MRPL37: variants seen among roughly 807,000 people sequenced by gnomAD.
MRPL37 encodes the protein large ribosomal subunit protein mL37.
Under a neutral mutation model 44.1 loss-of-function variants are expected in MRPL37, and 34 were observed. That is an observed-to-expected ratio of 0.77 (90% confidence interval 0.59 to 1.03). MRPL37 has a LOEUF of 1.03. MRPL37 is among the 50% of genes least tolerant of loss of function. The pLI is 0.00. For missense variants in MRPL37, 532 were observed against 543.7 expected, an observed-to-expected ratio of 0.98 and a Z score of 0.21; for synonymous variants, 212 against 219.5, an observed-to-expected ratio of 0.97 and a Z score of 0.30.
chr1:54,204,102 G>A (rs935462086), intron 1 of MRPL37, among the ~76,000 whole-genome samples: 6 of 152,192 alleles, frequency 3.9e-5, no homozygotes, highest in Non-Finnish European at 8.8e-5. Flanking sequence ...GACAAAACAA[G>A]CCAGGCACAG....
At chr1:54,211,349 TG>T (rs1160008763) in intron 4 of MRPL37, among the ~76,000 whole-genome samples, 1 of 152,172 alleles carries the variant, frequency 6.6e-6, no homozygotes, top group East Asian at 1.9e-4. Context: ...CCTCCATTCC[TG>T]GTACCTGTCT....
downstream of MRPL37, chr1:54,220,653 G>A (rs779231959): frequency 8.9e-5 from 42 of 471,664 alleles, no homozygotes; most frequent in South Asian, 4.6e-4. Context: ...TACCAGCTTC[G>A]TCCTCACTCC....
downstream of MRPL37, among the ~76,000 whole-genome samples, chr1:54,218,673 A>G (rs939741180): frequency 2.0e-5 from 3 of 152,240 alleles, no homozygotes; most frequent in Admixed American, 6.5e-5. Context: ...ACATTCCACA[A>G]TGACTGCAGA....
chr1:54,225,019 G>T (rs1644266507), downstream of MRPL37: 1 of 1,144,842 alleles, frequency 8.7e-7, no homozygotes, highest in South Asian at 4.5e-5. Context: ...GGTGAAGCCA[G>T]TCCCACCCGA....
chr1:54,207,020 G>A (rs1027738861), intron 3 of MRPL37, among the ~76,000 whole-genome samples: 3 of 152,094 alleles, frequency 2.0e-5, no homozygotes, highest in Non-Finnish European at 4.4e-5. Flanking sequence ...TCCAAACTGC[G>A]GGAATACAGG....
Position 54,218,339 on chromosome 1 carries a change from C to G in MRPL37, c.*90C>G. 6.3e-7 allele frequency: 1 copy of G among 1,599,268 alleles called. No individual in the cohort carries two copies. Among genetic ancestry groups the G allele is most frequent in the South Asian group, 1.1e-5 (1 of 89,108 alleles). On this transcript the variant is annotated 3_prime_UTR_variant, in exon 7 of 7. Transcript: ENST00000360840. The stretch of plus-strand genomic sequence containing the variant: ...CCGTGGAGCCTCAGTGCCCGTTTGG[C>G]CTGCTGCTCTCGCTGACAATAAAGA...
At chr1:54,224,817 A>G (rs958752032), downstream of MRPL37, among the ~76,000 whole-genome samples, 5 of 152,264 alleles carry the variant, frequency 3.3e-5, no homozygotes, top group South Asian at 2.1e-4. Context: ...GCCTCTCTCC[A>G]TATCTTGCCA....
At chr1:54,212,712 C>G in intron 5 of MRPL37, 54 bp downstream of exon 5, 1 of 1,605,552 alleles carries the variant, frequency 6.2e-7, no homozygotes, top group Non-Finnish European at 8.5e-7. Flanking sequence ...GGTCTCCTCC[C>G]TTAAGGTTAC....
At chr1:54,206,590 A>G (rs2100504660) in intron 3 of MRPL37, among the ~76,000 whole-genome samples, 1 of 151,710 alleles carries the variant, frequency 6.6e-6, no homozygotes, top group East Asian at 1.9e-4. Context: ...TTGTATTTTT[A>G]TTGGAGATGG....
intron 1 of MRPL37, among the ~76,000 whole-genome samples, chr1:54,202,512 T>TC (rs1644092228): frequency 6.6e-6 from 1 of 151,434 alleles, no homozygotes; most frequent in African/African-American, 2.4e-5. Flanking sequence ...TCTCTCTCTC[T>TC]TTTTTTTTCT....
chr1:54,210,221 G>A, intron 4 of MRPL37, 90 bp downstream of exon 4: 1 of 1,329,738 alleles, frequency 7.5e-7, no homozygotes, highest in Non-Finnish European at 1.0e-6. Flanking sequence ...AACTTGCTAG[G>A]TGCTAGGCAC....
chr1:54,223,804 C>T (rs1428466247), downstream of MRPL37, among the ~76,000 whole-genome samples: 1 of 152,218 alleles, frequency 6.6e-6, no homozygotes, highest in African/African-American at 2.4e-5. Flanking sequence ...CTTTTCTCCT[C>T]CTCATTTCAG....
chr1:54,221,314 C>T (rs530513571), downstream of MRPL37, among the ~76,000 whole-genome samples: 1 of 152,308 alleles, frequency 6.6e-6, no homozygotes, highest in Non-Finnish European at 1.5e-5. Context: ...CTTTAGACAG[C>T]ATCTCCCTGG....
intron 2 of MRPL37, 42 bp from the exon 3 acceptor site, chr1:54,205,253 C>T: frequency 1.9e-6 from 3 of 1,607,722 alleles, no homozygotes; most frequent in Non-Finnish European, 2.6e-6. Context: ...TTCGAGTCGA[C>T]CTGTTGCTTT....
chr1:54,223,427 G>C (rs1644249684), downstream of MRPL37, among the ~76,000 whole-genome samples: 1 of 152,230 alleles, frequency 6.6e-6, no homozygotes, highest in Non-Finnish European at 1.5e-5. Flanking sequence ...TGGGACAGCC[G>C]AGACTGGGGC....
chr1:54,208,921 A>G (rs553212339), intron 3 of MRPL37, among the ~76,000 whole-genome samples: 2 of 152,256 alleles, frequency 1.3e-5, no homozygotes, highest in Admixed American at 6.5e-5. Context: ...TAAACATCCC[A>G]CAGTACACAG....
chr1:54,203,435 A>G (rs909709344), intron 1 of MRPL37, among the ~76,000 whole-genome samples: 4 of 152,040 alleles, frequency 2.6e-5, no homozygotes, highest in Non-Finnish European at 5.9e-5. Flanking sequence ...TAATACAACA[A>G]AAATTCATGA....
chr1:54,202,287 C>A (rs1367164387), intron 1 of MRPL37, among the ~76,000 whole-genome samples: 1 of 152,120 alleles, frequency 6.6e-6, no homozygotes, highest in Admixed American at 6.5e-5. Context: ...TAGGTGTGAG[C>A]CACTGCCCCT....
rs376815309 is a variant in MRPL37 at position 54,200,233 on chromosome 1, A to G, written c.-11A>G. ...GGGTCCAGGTGGAGGTCTTGAGGCT[A>G]TCAGATCGGTATGGCATTGGCGTCC... On this transcript the variant is annotated 5_prime_UTR_variant, in exon 1 of 7. Transcript: ENST00000360840. 1.3e-6 allele frequency: 2 copies of G among 1,553,712 alleles called. No homozygotes were observed. Among genetic ancestry groups the G allele is most frequent in the Non-Finnish European group, 1.7e-6 (2 of 1,155,468 alleles).
Sources: gnomAD v4.1 joint callset for allele counts (sites outside exome capture counted in the v4.1 genomes callset) on GRCh38, gnomAD v4.1.1 for gene constraint, MANE v1.5 for transcripts, NCBI Gene and HGNC (gene_info 2026-07-23, HGNC 2026-07-21) for gene names.